The following SLC22A11 variants were observed in gnomAD, a reference collection of about 807,000 sequenced individuals.
SLC22A11 encodes solute carrier family 22 member 11.
SLC22A11 carries 42 observed loss-of-function variants against 49.4 expected under a neutral mutation model. The observed-to-expected ratio is 0.85, with a 90% CI of 0.66 to 1.10. SLC22A11 has a LOEUF of 1.10. SLC22A11 is among the 50% of genes least tolerant of loss of function. The probability of loss-of-function intolerance (pLI) is 0.00; values close to 1 mark genes in which losing one functional copy is unlikely to be tolerated. For missense variants in SLC22A11, 685 were observed against 731.6 expected (o/e 0.94, Z 0.74); for synonymous variants, 304 against 315.8 (o/e 0.96, Z 0.40).
rs897531206 is a variant in SLC22A11 at position 64,559,399 on chromosome 11, C to A, written c.497+161C>A. On this transcript the variant is annotated intron_variant, in intron 2 of 9. Transcript: ENST00000301891. The stretch of plus-strand genomic sequence containing the variant: ...TCCCCTGGCCATCCGAACCAACCCA[C>A]AGGCTGTTCCGGGTCCCCATCTCAG... Among the ~76,000 whole-genome samples, 3 of 152,264 alleles carry A rather than the reference C, an allele frequency of 2.0e-5. No individual in the cohort carries two copies. In the South Asian group the frequency reaches 6.2e-4, roughly 32 times the overall value.
chr11:64,567,917 C>T, intron 7 of SLC22A11, 104 bp downstream of exon 7: 2 of 1,239,552 alleles, frequency 1.6e-6, no homozygotes, highest in Admixed American at 2.4e-5. Context: ...GGAGCTGCCT[C>T]CCTGTTTTCT....
intron 9 of SLC22A11, 101 bp downstream of exon 9, chr11:64,569,959 G>C (rs373031826): frequency 1.8e-5 from 19 of 1,061,986 alleles, no homozygotes; most frequent in Non-Finnish European, 2.6e-5. Flanking sequence ...GAGTACCAAG[G>C]CCTGTGTTTC....
rs370072879 is a variant in SLC22A11 at position 64,564,313 on chromosome 11, T to G, written c.827T>G (p.Leu276Arg). The change falls in exon 5 of 10, where the codon CTG (leucine) becomes CGG (arginine). Residue 276 changes from leucine (L) to arginine (R), a missense_variant. Transcript: ENST00000301891. This position sits in a 1 kb window ranked among gnomAD's most constrained non-coding sequence, Gnocchi z 4.2. ...FFAISLISWWLPESARWLIIK... is the reference protein window; with the variant it reads ...FFAISLISWWRPESARWLIIK... ...ACACACCTGCCTCCTTACAGGTGGCTGCCAGAATCCGCCCGGTGGCTGATT... is the reference window on the plus strand; with the variant it reads ...ACACACCTGCCTCCTTACAGGTGGCGGCCAGAATCCGCCCGGTGGCTGATT... The G allele has an allele frequency of 1.9e-6, 3 of 1,614,052 alleles. No homozygotes were observed. Among genetic ancestry groups the G allele is most frequent in the Non-Finnish European group, 8.5e-7 (1 of 1,180,002 alleles).
In SLC22A11 at chr11:64,568,498, C is replaced by CT. The variant is rs2038659882; in HGVS notation, c.1274-171dup. On this transcript the variant is annotated intron_variant, in intron 7 of 9. Coordinates refer to ENST00000301891, the MANE Select transcript of SLC22A11 (RefSeq NM_018484.4). ...CGGGCCCCTGCCGCGATATCGCATCCTATGCTCTGTCCCCCAACCCCAGCC... is the reference window on the plus strand; with the variant it reads ...CGGGCCCCTGCCGCGATATCGCATCCTTATGCTCTGTCCCCCAACCCCAGCC... 3.3e-5 allele frequency among the ~76,000 whole-genome samples: 5 copies of CT among 152,230 alleles called. 1 individual carries two copies. The South Asian group carries it at 1.0e-3, about 31-fold the overall frequency.
chr11:64,556,109 T>A lies in SLC22A11; in HGVS notation c.110T>A (p.Leu37Gln), dbSNP rs1313423313. 1.9e-6 allele frequency: 3 copies of A among 1,614,052 alleles called. No individual in the cohort carries two copies. In the Admixed American group the frequency reaches 5.0e-5, roughly 27 times the overall value. ...CTCATGATACCTTCCCAGATGCTCCTGGAGAACTTCTCAGCCGCCATCCCA... is the reference window on the plus strand; with the variant it reads ...CTCATGATACCTTCCCAGATGCTCCAGGAGAACTTCTCAGCCGCCATCCCA... ...PCLMIPSQML[L>Q]ENFSAAIPGH... The change falls in exon 1 of 10, where the codon CTG becomes CAG. Residue 37 changes from leucine to glutamine, a missense_variant. Coordinates refer to ENST00000301891, the MANE Select transcript of SLC22A11 (RefSeq NM_018484.4).
chr11:64,569,702 T>C lies in SLC22A11; in HGVS notation c.1433T>C (p.Met478Thr). The change falls in exon 9 of 10, where the codon ATG becomes ACG. Residue 478 changes from methionine (M) to threonine (T), a missense_variant. Coordinates refer to ENST00000301891, the MANE Select transcript of SLC22A11 (RefSeq NM_018484.4). The part of the protein sequence containing the change: ...LHTVGRLGAM[M>T]GPLILMSRQA... ...ACAGTGGGCCGGCTGGGGGCTATGA[T>C]GGGTCCCCTGATCCTGATGAGCCGC... 1 of 1,614,128 alleles carries C rather than the reference T, an allele frequency of 6.2e-7. No homozygotes were observed. The highest frequency in any genetic ancestry group is 1.7e-4 in the Middle Eastern group (1 of 6,060).
At chr11:64,567,576 C>T (rs1231327136) in intron 6 of SLC22A11, 23 bp from the exon 7 acceptor site, 3 of 1,610,658 alleles carry the variant, frequency 1.9e-6, no homozygotes, top group South Asian at 2.2e-5. Context: ...GGGCAGGGAC[C>T]TGACTTCCAG....
rs760815549 is a variant in SLC22A11 at position 64,569,724 on chromosome 11, C to A, written c.1455C>A (p.Ser485Arg). ...TGATGGGTCCCCTGATCCTGATGAG[C>A]CGCCAAGCCCTGCCCCTGCTGCCTC... ...GAMMGPLILM[S>R]RQALPLLPPL... The change falls in exon 9 of 10, where the codon AGC becomes AGA. Residue 485 changes from serine to arginine, a missense_variant. By Grantham distance (110) the Ser-to-Arg change is moderately radical. Coordinates refer to ENST00000301891, the MANE Select transcript of SLC22A11 (RefSeq NM_018484.4). 4 of 1,614,162 alleles carry A rather than the reference C, an allele frequency of 2.5e-6. No individual in the cohort carries two copies. In the South Asian group the frequency reaches 3.3e-5, roughly 13 times the overall value.
chr11:64,564,297 C>A lies in SLC22A11; in HGVS notation c.822-11C>A. On this transcript the variant is annotated splice_polypyrimidine_tract_variant and intron_variant, in intron 4 of 9. Coordinates refer to ENST00000301891, the MANE Select transcript of SLC22A11 (RefSeq NM_018484.4). The surrounding 1 kb of genome is among the most constrained non-coding windows in gnomAD (Gnocchi z 4.2). ...GCGTGCACTCCCAGCTACACACCTG[C>A]CTCCTTACAGGTGGCTGCCAGAATC... 6.2e-7 allele frequency: 1 copy of A among 1,613,936 alleles called. No homozygotes were observed. Among genetic ancestry groups the A allele is most frequent in the Non-Finnish European group, 8.5e-7 (1 of 1,179,918 alleles).
chr11:64,571,340 G>A lies in SLC22A11; in HGVS notation c.*298G>A. 1 of 406,916 alleles carries A rather than the reference G, an allele frequency of 2.5e-6. No homozygotes were observed. The highest frequency in any genetic ancestry group is 4.5e-6 in the Non-Finnish European group (1 of 221,906). 25.2% of individuals were successfully genotyped at this position (406,916 alleles called of 1,614,324 possible). A position where few individuals can be genotyped will look rare whatever the true frequency, so the allele number is the denominator to read the frequency against. ...CGGTTCCCCTCCCTTTCCCTGCCAG[G>A]CTCATGTCTTTACACCTTCACTCAG... is the stretch of plus-strand genomic sequence containing the variant. On this transcript the variant is annotated 3_prime_UTR_variant, in exon 10 of 10. Transcript: ENST00000301891.
rs2038697669 is a variant in SLC22A11 at position 64,571,082 on chromosome 11, T to A, written c.*40T>A. The A allele has an allele frequency of 6.2e-7, 1 of 1,607,778 alleles. No individual in the cohort carries two copies. Among genetic ancestry groups the A allele is most frequent in the African/African-American group, 1.3e-5 (1 of 74,896 alleles). On this transcript the variant is annotated 3_prime_UTR_variant, in exon 10 of 10. Transcript: ENST00000301891. ...TGGAGCCCCTTTAGTCAAAGACTCC[T>A]GGAAAGGAGTTGCCTCTTCTCCAAT... is the stretch of plus-strand genomic sequence containing the variant.
At position 64,562,956 on chromosome 11, in the gene SLC22A11, C is replaced by T. The variant is rs1489931175; in HGVS notation, c.821+521C>T. Among the ~76,000 whole-genome samples, 2 of 152,106 alleles carry T rather than the reference C, an allele frequency of 1.3e-5. No homozygotes were observed. The highest frequency in any genetic ancestry group is 2.4e-5 in the African/African-American group (1 of 41,408). On this transcript the variant is annotated intron_variant, in intron 4 of 9. Transcript: ENST00000301891. This position sits in a 1 kb window ranked among gnomAD's most constrained non-coding sequence, Gnocchi z 4.4. ...CAGCTTCACTCCTTCACATACAGTGCGGACCAACATTGGATATGAAAATAG... is the reference window on the plus strand; with the variant it reads ...CAGCTTCACTCCTTCACATACAGTGTGGACCAACATTGGATATGAAAATAG...
chr11:64,561,006 T>C (rs1440774400), intron 2 of SLC22A11, among the ~76,000 whole-genome samples: 1 of 152,226 alleles, frequency 6.6e-6, no homozygotes, highest in Non-Finnish European at 1.5e-5. Context: ...CACGCAGTTG[T>C]CGTGAGGATG....
At position 64,556,405 on chromosome 11, in the gene SLC22A11, C is replaced by G. The variant is rs79843674; in HGVS notation, c.393+13C>G. ...CATCGTGGCCAAGGTAGGGCCTCCCCCAGAGCCACTCGAGTCCCGTCACCT... is the reference window on the plus strand; with the variant it reads ...CATCGTGGCCAAGGTAGGGCCTCCCGCAGAGCCACTCGAGTCCCGTCACCT... On this transcript the variant is annotated intron_variant, in intron 1 of 9. Coordinates refer to ENST00000301891, the MANE Select transcript of SLC22A11 (RefSeq NM_018484.4). 1.9e-6 allele frequency: 3 copies of G among 1,608,472 alleles called. No individual in the cohort carries two copies. The highest frequency in any genetic ancestry group is 2.5e-6 in the Non-Finnish European group (3 of 1,179,844).
intron 9 of SLC22A11, among the ~76,000 whole-genome samples, chr11:64,570,317 C>T (rs2135427786): frequency 6.6e-6 from 1 of 152,362 alleles, no homozygotes; most frequent in Non-Finnish European, 1.5e-5. Context: ...ACAGATGGTG[C>T]CATCTCACAC....
At chr11:64,567,878 C>A in intron 7 of SLC22A11, 65 bp downstream of exon 7, 1 of 1,475,268 alleles carries the variant, frequency 6.8e-7, no homozygotes, top group South Asian at 1.2e-5. Flanking sequence ...CTGCTCTGAG[C>A]GTGGGGCCAC....
chr11:64,556,242 G>T lies in SLC22A11; in HGVS notation c.243G>T (p.Gly81=), dbSNP rs1364119264. ...TISIPPGPNQ[G]PHQCRRFRQP... ...CCATCCCGCCAGGCCCCAACCAGGG[G>T]CCCCACCAGTGCCGCCGCTTCCGCC... The change falls in exon 1 of 10, where the codon GGG becomes GGT. Residue 81 remains glycine (G), a synonymous_variant. Coordinates refer to ENST00000301891, the MANE Select transcript of SLC22A11 (RefSeq NM_018484.4). 2 of 1,612,996 alleles carry T rather than the reference G, an allele frequency of 1.2e-6. No homozygotes were observed. The highest frequency in any genetic ancestry group is 1.7e-6 in the Non-Finnish European group (2 of 1,179,994).
At chr11:64,569,224 C>T (rs919759578) in intron 8 of SLC22A11, among the ~76,000 whole-genome samples, 2 of 152,262 alleles carry the variant, frequency 1.3e-5, no homozygotes, top group African/African-American at 2.4e-5. Context: ...AACTGAGGCT[C>T]GGGGTGAAGG....
intron 8 of SLC22A11, 66 bp from the exon 9 acceptor site, chr11:64,569,586 C>T: frequency 6.6e-7 from 1 of 1,514,260 alleles, no homozygotes; most frequent in African/African-American, 1.4e-5. Flanking sequence ...CATCTGTGAG[C>T]CCAGGATGTC....
Sources: gnomAD v4.1 joint callset for allele counts (sites outside exome capture counted in the v4.1 genomes callset) on GRCh38, gnomAD v4.1.1 for gene constraint, Gnocchi (gnomAD v3.1) non-coding constraint, MANE v1.5 for transcripts, NCBI Gene and HGNC (gene_info 2026-07-23, HGNC 2026-07-21) for gene names.